Variants in DYNC1LI2 observed in about 807,000 individuals in gnomAD.
DYNC1LI2 encodes the protein dynein cytoplasmic 1 light intermediate chain 2.
DYNC1LI2 carries 19 observed loss-of-function variants against 57.8 expected under a neutral mutation model. The ratio of observed to expected loss-of-function variants is 0.33; its 90% CI spans 0.23 to 0.48. DYNC1LI2 has a LOEUF of 0.48. Among genes scored for constraint, DYNC1LI2 ranks in the 20% least tolerant of loss-of-function variants. The pLI, the probability that DYNC1LI2 is intolerant of heterozygous loss-of-function variation, is 0.99. For missense variants in DYNC1LI2, 470 were observed against 604.2 expected (o/e 0.78, Z 2.33); for synonymous variants, 256 against 233.4 (o/e 1.10, Z -0.88).
chr16:66,747,639 G>C, intron 3 of DYNC1LI2, among the ~76,000 whole-genome samples: 1 of 150,254 alleles, frequency 6.7e-6, no homozygotes. Context: ...GTGCAATCTC[G>C]GCTCACTGCA....
Position 66,722,783 on chromosome 16 carries a change from A to T in DYNC1LI2, c.*939T>A, listed in dbSNP as rs1405018351. 2 of 153,058 alleles carry T rather than the reference A, an allele frequency of 1.3e-5. No homozygotes were observed. Among genetic ancestry groups the T allele is most frequent in the Non-Finnish European group, 2.9e-5 (2 of 68,354 alleles). 9.5% of individuals were successfully genotyped at this position (153,058 alleles called of 1,614,324 possible). ...TTTCCGTGGCACATTGCATTATGGT[A>T]AAACCAGAGGTTCATCACCTATTTT... On this transcript the variant is annotated 3_prime_UTR_variant, in exon 13 of 13. Coordinates refer to ENST00000258198, the MANE Select transcript of DYNC1LI2 (RefSeq NM_006141.3).
At chr16:66,739,841 T>C (rs1431065946) in intron 4 of DYNC1LI2, among the ~76,000 whole-genome samples, 2 of 152,178 alleles carry the variant, frequency 1.3e-5, no homozygotes, top group African/African-American at 4.8e-5. Context: ...AAACGTGCAT[T>C]TTTTCTTGGG....
chr16:66,748,803 T>G (rs1031997616), intron 3 of DYNC1LI2, among the ~76,000 whole-genome samples: 2 of 152,198 alleles, frequency 1.3e-5, no homozygotes, highest in Non-Finnish European at 2.9e-5. Flanking sequence ...TGTTACACTC[T>G]AAACCACACC....
chr16:66,743,624 T>C (rs1239654556), intron 3 of DYNC1LI2, among the ~76,000 whole-genome samples: 1 of 146,800 alleles, frequency 6.8e-6, no homozygotes, highest in Non-Finnish European at 1.5e-5. Flanking sequence ...CAAAAGATAC[T>C]AATGTTCACT....
At chr16:66,726,375 CTT>C (rs1416553983) in intron 11 of DYNC1LI2, among the ~76,000 whole-genome samples, 1 of 152,232 alleles carries the variant, frequency 6.6e-6, no homozygotes, top group Non-Finnish European at 1.5e-5. Context: ...ATAAAAGCTA[CTT>C]AATCTGAAAA....
In DYNC1LI2 at chr16:66,734,297, A is replaced by T; in HGVS notation, c.714T>A (p.Ser238Arg). ...TGTAATCGTGCTCCTTCTCCAGGACACTCACCGCATCACACTGCAGGGAAG... is the reference window on the plus strand; with the variant it reads ...TGTAATCGTGCTCCTTCTCCAGGACTCTCACCGCATCACACTGCAGGGAAG... ...LVVCTKCDAV[S>R]VLEKEHDYRD... The change falls in exon 6 of 13, where the codon AGT (serine) becomes AGA (arginine). Residue 238 changes from serine (S) to arginine (R), a missense_variant. Transcript: ENST00000258198. 1 of 1,613,956 alleles carries T rather than the reference A, an allele frequency of 6.2e-7. No individual in the cohort carries two copies. The highest frequency in any genetic ancestry group is 8.5e-7 in the Non-Finnish European group (1 of 1,179,966).
In DYNC1LI2 at chr16:66,751,146, G is replaced by A; in HGVS notation, c.181+127C>T. On this transcript the variant is annotated intron_variant, in intron 2 of 12. Coordinates refer to ENST00000258198, the MANE Select transcript of DYNC1LI2 (RefSeq NM_006141.3). This position sits in a 1 kb window ranked among gnomAD's most constrained non-coding sequence, Gnocchi z 5.2. The stretch of plus-strand genomic sequence containing the variant: ...ACCACTCTCCAGCTGACCGGCCAGG[G>A]CCGACGGTCCCTTTCCCGCCAGGCT... 8.9e-7 allele frequency: 1 copy of A among 1,123,348 alleles called. No homozygotes were observed. The highest frequency in any genetic ancestry group is 1.2e-6 in the Non-Finnish European group (1 of 804,412). The allele number at this position is 1,123,348 out of a possible 1,614,324, so 69.6% of individuals were successfully genotyped here. A position where few individuals can be genotyped will look rare whatever the true frequency, so the allele number is the denominator to read the frequency against.
intron 11 of DYNC1LI2, among the ~76,000 whole-genome samples, chr16:66,726,744 C>T (rs1194149214): frequency 6.6e-6 from 1 of 152,160 alleles, no homozygotes; most frequent in Non-Finnish European, 1.5e-5. Flanking sequence ...CAGGATTAAG[C>T]CGTTCTCCTG....
At chr16:66,724,812 CA>C in intron 12 of DYNC1LI2, 1 of 151,956 alleles carries the variant, frequency 6.6e-6, no homozygotes, top group Middle Eastern at 3.4e-3. Flanking sequence ...AAAATCCTTA[CA>C]AAGCATCACA....
At chr16:66,728,029 C>T (rs2144970303) in intron 10 of DYNC1LI2, 172 bp downstream of exon 10, 3 of 974,222 alleles carry the variant, frequency 3.1e-6, no homozygotes, top group South Asian at 3.4e-5. Context: ...ATTCTTTCAT[C>T]AGAAACTTCT....
At chr16:66,740,453 C>A (rs921383298) in intron 4 of DYNC1LI2, among the ~76,000 whole-genome samples, 4 of 152,222 alleles carry the variant, frequency 2.6e-5, no homozygotes, top group African/African-American at 9.6e-5. Context: ...ACATACAACA[C>A]AAAGACGTGG....
chr16:66,740,811 C>G (rs2017823204), intron 4 of DYNC1LI2, among the ~76,000 whole-genome samples: 2 of 152,190 alleles, frequency 1.3e-5, no homozygotes, highest in Admixed American at 1.3e-4. Context: ...GCAAGGTCCT[C>G]CAGCTGTCTT....
chr16:66,725,991 CTTAAAA>C (rs780334698), intron 11 of DYNC1LI2, 47 bp from the exon 12 acceptor site: 16 of 1,588,332 alleles, frequency 1.0e-5, no homozygotes, highest in African/African-American at 1.4e-5. Flanking sequence ...AACTGGAAGA[CTTAAAA>C]TTAAACACCC....
In DYNC1LI2 at chr16:66,751,425, C is replaced by G; in HGVS notation, c.107+60G>C. On this transcript the variant is annotated intron_variant, in intron 1 of 12. Coordinates refer to ENST00000258198, the MANE Select transcript of DYNC1LI2 (RefSeq NM_006141.3). The surrounding 1 kb of genome is among the most constrained non-coding windows in gnomAD (Gnocchi z 5.2). ...GCTCGCGTCGGCCCCTCAGTGTGTC[C>G]GACGGTCCGGCCCAGAGGCCGCGCC... 6.3e-7 allele frequency: 1 copy of G among 1,588,178 alleles called. No homozygotes were observed. Among genetic ancestry groups the G allele is most frequent in the Non-Finnish European group, 8.5e-7 (1 of 1,169,634 alleles).
intron 3 of DYNC1LI2, among the ~76,000 whole-genome samples, chr16:66,744,785 C>T (rs540608741): frequency 3.6e-4 from 55 of 152,310 alleles, no homozygotes; most frequent in African/African-American, 1.2e-3. Flanking sequence ...GTCTCGAACT[C>T]CTGACCTCAA....
intron 3 of DYNC1LI2, among the ~76,000 whole-genome samples, chr16:66,746,246 T>C (rs1457179803): frequency 2.0e-5 from 3 of 152,166 alleles, no homozygotes; most frequent in East Asian, 1.9e-4. Flanking sequence ...AACTCACCCA[T>C]GTGCTTGGAG....
At position 66,742,128 on chromosome 16, in the gene DYNC1LI2, T is replaced by C. The variant is rs543806235; in HGVS notation, c.529+310A>G. Among the ~76,000 whole-genome samples the C allele has an allele frequency of 7.2e-5, 11 of 151,916 alleles. No individual in the cohort carries two copies. In the South Asian group the frequency reaches 2.3e-3, roughly 32 times the overall value. On this transcript the variant is annotated intron_variant, in intron 4 of 12. Coordinates refer to ENST00000258198, the MANE Select transcript of DYNC1LI2 (RefSeq NM_006141.3). Reference sequence around the variant, plus strand: ...TGATGTTAACTCAGCAGACAGAGAGTAACAGAAAAGCACAGAGATCCACAG... The same window carrying C: ...TGATGTTAACTCAGCAGACAGAGAGCAACAGAAAAGCACAGAGATCCACAG...
chr16:66,740,409 T>C (rs2017815155), intron 4 of DYNC1LI2, among the ~76,000 whole-genome samples: 1 of 152,172 alleles, frequency 6.6e-6, no homozygotes. Context: ...TATTAAAATG[T>C]AGCCTAAACC....
At position 66,727,791 on chromosome 16, in the gene DYNC1LI2, T is replaced by C; in HGVS notation, c.1158A>G (p.Arg386=). ...TPTRASESPA[R]GPSGSPRTQG... is the part of the protein sequence containing the mutation. ...GGGTCCTTGGAGAGCCAGAGGGTCC[T>C]CTTGCAGGAGATTCCTAAGTCCAAA... Residue 386 remains arginine, a synonymous_variant, in exon 11 of 13, where the codon AGA becomes AGG. Transcript: ENST00000258198. 6.2e-7 allele frequency: 1 copy of C among 1,612,526 alleles called. No individual in the cohort carries two copies. The highest frequency in any genetic ancestry group is 8.5e-7 in the Non-Finnish European group (1 of 1,179,374).
Sources: gnomAD v4.1 joint callset for allele counts (sites outside exome capture counted in the v4.1 genomes callset) on GRCh38, gnomAD v4.1.1 for gene constraint, Gnocchi (gnomAD v3.1) non-coding constraint, MANE v1.5 for transcripts, NCBI Gene and HGNC (gene_info 2026-07-23, HGNC 2026-07-21) for gene names.